The following CNTNAP2 variants were observed in gnomAD, a reference collection of about 807,000 sequenced individuals.
The protein encoded by CNTNAP2 is contactin-associated protein-like 2.
In CNTNAP2, 98 loss-of-function variants were observed where a neutral mutation model predicts 155.2. The observed-to-expected ratio is 0.63, with a 90% confidence interval of 0.54 to 0.75. The LOEUF is 0.75. CNTNAP2 is among the 30% of genes least tolerant of loss of function. The pLI, the probability that CNTNAP2 is intolerant of heterozygous loss-of-function variation, is 0.00. For synonymous variants in CNTNAP2, 651 were observed against 631.2 expected, an observed-to-expected ratio of 1.03 and a Z score of -0.47; for missense variants, 1,727 against 1,688.1, an observed-to-expected ratio of 1.02 and a Z score of -0.40.
At chr7:148,407,425 C>T (rs961849984) in intron 22 of CNTNAP2, among the ~76,000 whole-genome samples, 2 of 152,054 alleles carry the variant, frequency 1.3e-5, no homozygotes, top group African/African-American at 4.8e-5. Flanking sequence ...ACCAATTGGC[C>T]GGGCATGGTG....
intron 1 of CNTNAP2, among the ~76,000 whole-genome samples, chr7:146,751,796 C>G (rs1241088340): frequency 1.3e-5 from 2 of 152,034 alleles, no homozygotes; most frequent in African/African-American, 4.8e-5. Flanking sequence ...CCCCGACAGG[C>G]CTTGGTGTAT....
chr7:147,048,067 ATTTT>A (rs11352009), intron 4 of CNTNAP2, among the ~76,000 whole-genome samples: 3 of 90,370 alleles, frequency 3.3e-5, no homozygotes, highest in African/African-American at 1.1e-4. Flanking sequence ...CGGAGAGACA[ATTTT>A]TTTTTTTTTT....
chr7:146,722,783 G>A (rs143987633), intron 1 of CNTNAP2, among the ~76,000 whole-genome samples: 5,493 of 152,108 alleles, frequency 0.036, 147 homozygotes, highest in East Asian at 0.12. Context: ...TTGGGAGGCC[G>A]AGGCGGATGG....
chr7:146,228,838 C>A (rs1339825439), intron 1 of CNTNAP2, among the ~76,000 whole-genome samples: 3 of 152,024 alleles, frequency 2.0e-5, no homozygotes, highest in Admixed American at 6.6e-5. Flanking sequence ...TATTTTATTT[C>A]TTTCATTGTA....
intron 11 of CNTNAP2, among the ~76,000 whole-genome samples, chr7:147,525,575 G>A (rs1799304764): frequency 6.6e-6 from 1 of 152,206 alleles, no homozygotes; most frequent in Non-Finnish European, 1.5e-5. Flanking sequence ...ATAGTTGGAT[G>A]GGTAGGCAGA....
At chr7:146,845,202 C>T (rs1002497933) in intron 3 of CNTNAP2, among the ~76,000 whole-genome samples, 3 of 152,106 alleles carry the variant, frequency 2.0e-5, no homozygotes, top group African/African-American at 4.8e-5. Context: ...AGCTGGACCA[C>T]GTATTCCCTA....
At chr7:146,888,594 C>A (rs114033172) in intron 3 of CNTNAP2, among the ~76,000 whole-genome samples, 1,983 of 151,956 alleles carry the variant, frequency 0.013, 51 homozygotes, top group African/African-American at 0.045. Context: ...TCTGCCTACC[C>A]ATTTTTTTTT....
At chr7:146,559,147 T>C (rs1210246790) in intron 1 of CNTNAP2, among the ~76,000 whole-genome samples, 1 of 152,156 alleles carries the variant, frequency 6.6e-6, no homozygotes, top group Non-Finnish European at 1.5e-5. Flanking sequence ...TATTTCAAAA[T>C]AACTAAGAGA....
chr7:146,169,505 A>G (rs920970106), intron 1 of CNTNAP2, among the ~76,000 whole-genome samples: 12 of 152,160 alleles, frequency 7.9e-5, no homozygotes, highest in African/African-American at 2.9e-4. Flanking sequence ...TTGTGATGAG[A>G]ACACTTAAGA....
chr7:147,055,611 G>A lies in CNTNAP2; in HGVS notation c.550+11557G>A, dbSNP rs968746742. ...ATTTCCACACAGGCTTTGAGAGAAA[G>A]GCATCTCAAGTCTCGCAGGGGACAT... On this transcript the variant is annotated intron_variant, in intron 4 of 23. Transcript: ENST00000361727. 3.3e-5 allele frequency among the ~76,000 whole-genome samples: 5 copies of A among 152,270 alleles called. No individual in the cohort carries two copies. The South Asian group carries it at 1.0e-3, about 32-fold the overall frequency.
chr7:147,763,734 A>C (rs1797343397), intron 13 of CNTNAP2, among the ~76,000 whole-genome samples: 1 of 152,138 alleles, frequency 6.6e-6, no homozygotes, highest in Admixed American at 6.5e-5. Context: ...GACTGTTTTG[A>C]GACAGCTGAA....
chr7:146,563,416 T>C (rs967243636), intron 1 of CNTNAP2, among the ~76,000 whole-genome samples: 1 of 152,164 alleles, frequency 6.6e-6, no homozygotes, highest in African/African-American at 2.4e-5. Context: ...ACTCAACTTA[T>C]GGTATTATTA....
intron 1 of CNTNAP2, among the ~76,000 whole-genome samples, chr7:146,398,600 G>A (rs951162514): frequency 2.0e-5 from 3 of 152,094 alleles, no homozygotes; most frequent in Non-Finnish European, 4.4e-5. Context: ...AAATCATGAA[G>A]CTAAACACTT....
At chr7:146,826,397 T>C (rs1245327944) in intron 2 of CNTNAP2, among the ~76,000 whole-genome samples, 1 of 152,140 alleles carries the variant, frequency 6.6e-6, no homozygotes, top group African/African-American at 2.4e-5. Context: ...CCATTTAAAT[T>C]CTTAACATTT....
intron 18 of CNTNAP2, among the ~76,000 whole-genome samples, chr7:148,205,976 CA>C (rs1412087645): frequency 6.6e-6 from 1 of 151,336 alleles, no homozygotes; most frequent in Non-Finnish European, 1.5e-5. Flanking sequence ...CGCTTATTTG[CA>C]AAAGACTTTC....
chr7:148,326,662 C>G (rs559068091), intron 21 of CNTNAP2, among the ~76,000 whole-genome samples: 12 of 151,966 alleles, frequency 7.9e-5, no homozygotes, highest in East Asian at 5.8e-4. Context: ...GTCAGGAGAT[C>G]GAGACCATCT....
chr7:148,231,322 G>A (rs1317355303), intron 20 of CNTNAP2, among the ~76,000 whole-genome samples: 1 of 152,170 alleles, frequency 6.6e-6, no homozygotes, highest in African/African-American at 2.4e-5. Flanking sequence ...TCCAGGGGAT[G>A]AATGGGTTTG....
intron 3 of CNTNAP2, among the ~76,000 whole-genome samples, chr7:146,889,006 T>TACACACATGC (rs1374526483): frequency 6.6e-6 from 1 of 151,964 alleles, no homozygotes; most frequent in African/African-American, 2.4e-5. Flanking sequence ...GACACACAGA[T>TACACACATGC]ACACACATGC....
At chr7:146,397,077 T>C (rs1430351192) in intron 1 of CNTNAP2, among the ~76,000 whole-genome samples, 2 of 152,212 alleles carry the variant, frequency 1.3e-5, no homozygotes, top group Non-Finnish European at 2.9e-5. Context: ...TATTTTACTT[T>C]CCAACTAGAA....
Sources: gnomAD v4.1 joint callset for allele counts (sites outside exome capture counted in the v4.1 genomes callset) on GRCh38, gnomAD v4.1.1 for gene constraint, MANE v1.5 for transcripts, NCBI Gene and HGNC (gene_info 2026-07-23, HGNC 2026-07-21) for gene names.